NECAP1: variants seen among roughly 807,000 people sequenced by gnomAD.
The protein encoded by NECAP1 is NECAP endocytosis associated 1.
Under a neutral mutation model 33.4 loss-of-function variants are expected in NECAP1, and 13 were observed. The ratio of observed to expected loss-of-function variants is 0.39; its 90% CI spans 0.25 to 0.62. NECAP1 has a LOEUF of 0.62. Ranked by LOEUF, NECAP1 falls within the 20% of genes least tolerant of loss-of-function variation. The pLI is 0.52. For missense variants in NECAP1, 272 were observed against 347.4 expected (o/e 0.78, Z 1.73); for synonymous variants, 109 against 125.2 (o/e 0.87, Z 0.86).
Position 8,096,072 on chromosome 12 carries a change from C to A in NECAP1, c.810C>A (p.Ser270=). The change falls in exon 8 of 8, where the codon TCC becomes TCA. Residue 270 remains serine (S), a synonymous_variant. Transcript: ENST00000339754. ...SSVPNQAPQP[S]NWVQF ...TTCCAAACCAGGCACCACAGCCATC[C>A]AACTGGGTCCAGTTCTGAATGGCAT... 6.2e-7 allele frequency: 1 copy of A among 1,614,180 alleles called. No individual in the cohort carries two copies. Among genetic ancestry groups the A allele is most frequent in the Non-Finnish European group, 8.5e-7 (1 of 1,180,016 alleles).
At chr12:8,092,579 G>T in intron 4 of NECAP1, 97 bp from the exon 5 acceptor site, 2 of 817,226 alleles carry the variant, frequency 2.4e-6, no homozygotes, top group Non-Finnish European at 3.8e-6. Context: ...TGTGTTTTCT[G>T]GAATCTCATT....
chr12:8,082,774 T>TCACACACACACA (rs58270520), intron 1 of NECAP1: 1 of 141,342 alleles, frequency 7.1e-6, no homozygotes, highest in African/African-American at 2.9e-5. Flanking sequence ...TCTCTCTCTC[T>TCACACACACACA]CACACACACA....
Position 8,097,717 on chromosome 12 carries a change from A to C in NECAP1, c.*1627A>C, listed in dbSNP as rs1947607461. 6.5e-6 allele frequency: 1 copy of C among 152,676 alleles called. No individual in the cohort carries two copies. 9.5% of individuals were successfully genotyped at this position (152,676 alleles called of 1,614,324 possible). On this transcript the variant is annotated 3_prime_UTR_variant, in exon 8 of 8. Transcript: ENST00000339754. ...TGGAAAATGTTTAAGATATATGTAT[A>C]TAAAGTGTATGCTGTATTGGTGCAA...
In NECAP1 at chr12:8,084,233, C is replaced by T. The variant is rs576149573; in HGVS notation, c.95+1850C>T. Among the ~76,000 whole-genome samples, 29 of 152,198 alleles carry T rather than the reference C, an allele frequency of 1.9e-4. No homozygotes were observed. In the South Asian group the frequency reaches 5.8e-3, roughly 31 times the overall value. Reference sequence around the variant, plus strand: ...TGTGCGCTGGGCCCTGTGGGTTGCACCTTTGGCAAAGAGGTAGCAGTTCTG... The same window carrying T: ...TGTGCGCTGGGCCCTGTGGGTTGCATCTTTGGCAAAGAGGTAGCAGTTCTG... On this transcript the variant is annotated intron_variant, in intron 1 of 7. Transcript: ENST00000339754.
chr12:8,083,264 C>G (rs1225417682), intron 1 of NECAP1, among the ~76,000 whole-genome samples: 1 of 151,614 alleles, frequency 6.6e-6, no homozygotes, highest in East Asian at 1.9e-4. Context: ...TCAATTTTCT[C>G]ATCTGTAAAA....
In NECAP1 at chr12:8,095,588, A is replaced by G; in HGVS notation, c.677-13A>G. On this transcript the variant is annotated splice_polypyrimidine_tract_variant and intron_variant, in intron 6 of 7. Transcript: ENST00000339754. Reference sequence around the variant, plus strand: ...TTATGTTTTTCTTTTTTCTTTTCTTACCTTGTGTTTAGATATCCTTTTAGA... The same window carrying G: ...TTATGTTTTTCTTTTTTCTTTTCTTGCCTTGTGTTTAGATATCCTTTTAGA... 6.3e-7 allele frequency: 1 copy of G among 1,593,866 alleles called. No individual in the cohort carries two copies.
At chr12:8,095,735 A>T (rs780463377) in intron 7 of NECAP1, 32 bp downstream of exon 7, 1 of 1,550,220 alleles carries the variant, frequency 6.5e-7, no homozygotes, top group South Asian at 1.1e-5. Context: ...GCATACTCTC[A>T]ATCAGGGTGT....
Position 8,082,330 on chromosome 12 carries a change from G to A in NECAP1, c.42G>A (p.Lys14=), listed in dbSNP as rs1401301074. ...AGTACGAGTCTGTGCTGTGTGTGAAGCCAGACGTCAGCGTCTACCGGATTC... is the reference window on the plus strand; with the variant it reads ...AGTACGAGTCTGTGCTGTGTGTGAAACCAGACGTCAGCGTCTACCGGATTC... The part of the protein sequence containing the change: ...ELEYESVLCV[K]PDVSVYRIPP... Residue 14 remains lysine, a synonymous_variant, in exon 1 of 8, where the codon AAG becomes AAA. Coordinates refer to ENST00000339754, the MANE Select transcript of NECAP1 (RefSeq NM_015509.4). 1.2e-6 allele frequency: 2 copies of A among 1,613,752 alleles called. No homozygotes were observed. Among genetic ancestry groups the A allele is most frequent in the Non-Finnish European group, 1.7e-6 (2 of 1,179,654 alleles).
intron 1 of NECAP1, among the ~76,000 whole-genome samples, chr12:8,084,559 G>A (rs1480759457): frequency 6.6e-6 from 1 of 151,878 alleles, no homozygotes; most frequent in Non-Finnish European, 1.5e-5. Flanking sequence ...CCCCTCCCCC[G>A]AGAGGCCCCA....
Position 8,091,758 on chromosome 12 carries a change from G to A in NECAP1, c.302-11G>A, listed in dbSNP as rs765403528. ...ATACTTCCTAGTCGAGTCTTCCTAC[G>A]TTTTCCACAGGGCGCAGTGCTTTCA... On this transcript the variant is annotated splice_polypyrimidine_tract_variant and intron_variant, in intron 3 of 7. Coordinates refer to ENST00000339754, the MANE Select transcript of NECAP1 (RefSeq NM_015509.4). 16 of 1,613,540 alleles carry A rather than the reference G, an allele frequency of 9.9e-6. No homozygotes were observed. The highest frequency in any genetic ancestry group is 1.7e-4 in the Middle Eastern group (1 of 5,988).
chr12:8,083,190 G>T (rs1947457435), intron 1 of NECAP1, among the ~76,000 whole-genome samples: 1 of 151,980 alleles, frequency 6.6e-6, no homozygotes, highest in Non-Finnish European at 1.5e-5. Flanking sequence ...AGGACATTAT[G>T]TAGTTGAAAG....
chr12:8,093,240 G>A, intron 6 of NECAP1, 185 bp downstream of exon 6: 1 of 549,706 alleles, frequency 1.8e-6, no homozygotes, highest in Admixed American at 3.7e-5. Context: ...TATCTCATAG[G>A]TTCTTTGGCA....
chr12:8,090,206 G>T lies in NECAP1; in HGVS notation c.208G>T (p.Ala70Ser). The change falls in exon 3 of 8, where the codon GCT becomes TCT. Residue 70 changes from alanine to serine, a missense_variant. Transcript: ENST00000339754. Reference sequence around the variant, plus strand: ...CTCTTATCTGTCAGGGGAGCTCTTTGCTCAGGCACCAGTAGAACAATATCC... The same window carrying T: ...CTCTTATCTGTCAGGGGAGCTCTTTTCTCAGGCACCAGTAGAACAATATCC... ...LEDKVSGELF[A>S]QAPVEQYPGI... 6.2e-7 allele frequency: 1 copy of T among 1,614,186 alleles called. No homozygotes were observed. Among genetic ancestry groups the T allele is most frequent in the East Asian group, 2.2e-5 (1 of 44,876 alleles).
chr12:8,090,256 A>G lies in NECAP1; in HGVS notation c.258A>G (p.Thr86=). 3 of 1,614,228 alleles carry G rather than the reference A, an allele frequency of 1.9e-6. No individual in the cohort carries two copies. Among genetic ancestry groups the G allele is most frequent in the Non-Finnish European group, 2.5e-6 (3 of 1,180,036 alleles). ...CTGGTATTGCTGTGGAGACGGTGAC[A>G]GATTCTAGCCGCTACTTTGTAATCC... The part of the protein sequence containing the change: ...QYPGIAVETV[T]DSSRYFVIRI... Residue 86 remains threonine, a synonymous_variant, in exon 3 of 8, where the codon ACA becomes ACG. Transcript: ENST00000339754.
chr12:8,084,837 TTGG>T (rs1565642758), intron 1 of NECAP1, among the ~76,000 whole-genome samples: 1 of 152,130 alleles, frequency 6.6e-6, no homozygotes, highest in East Asian at 1.9e-4. Context: ...CTGGTACACT[TTGG>T]GCACCCTGTA....
At chr12:8,087,631 C>T (rs1460485278) in intron 1 of NECAP1, among the ~76,000 whole-genome samples, 1 of 151,712 alleles carries the variant, frequency 6.6e-6, no homozygotes, top group African/African-American at 2.4e-5. Flanking sequence ...TCAGGCAGTC[C>T]TCCTGCCTTG....
In NECAP1 at chr12:8,096,078, G is replaced by C. The variant is rs375845360; in HGVS notation, c.816G>C (p.Trp272Cys). Residue 272 changes from tryptophan (W) to cysteine (C), a missense_variant, in exon 8 of 8, where the codon TGG becomes TGC. Physicochemically the swap from Trp to Cys is radical, Grantham distance 215. Transcript: ENST00000339754. ...ACCAGGCACCACAGCCATCCAACTG[G>C]GTCCAGTTCTGAATGGCATTGGCAG... Reference protein sequence around the residue: ...VPNQAPQPSNWVQF With the variant: ...VPNQAPQPSNCVQF 6.2e-7 allele frequency: 1 copy of C among 1,614,064 alleles called. No individual in the cohort carries two copies. Among genetic ancestry groups the C allele is most frequent in the Non-Finnish European group, 8.5e-7 (1 of 1,179,996 alleles).
At chr12:8,087,195 A>C (rs1393664766) in intron 1 of NECAP1, among the ~76,000 whole-genome samples, 2 of 152,048 alleles carry the variant, frequency 1.3e-5, no homozygotes, top group Non-Finnish European at 2.9e-5. Context: ...TATTTCACAT[A>C]TCTACTATAA....
intron 1 of NECAP1, among the ~76,000 whole-genome samples, chr12:8,085,751 T>G (rs1947484347): frequency 1.5e-5 from 2 of 137,694 alleles, no homozygotes; most frequent in South Asian, 4.8e-4. Flanking sequence ...TCACCCAGGC[T>G]GGCGTACAAT....
Sources: allele counts gnomAD v4.1 joint callset (sites outside exome capture counted in the v4.1 genomes callset), GRCh38; gene constraint gnomAD v4.1.1; transcripts MANE v1.5; gene names NCBI Gene and HGNC (gene_info 2026-07-23, HGNC 2026-07-21).